The following CADM2 variants were observed in gnomAD, a reference collection of about 807,000 sequenced individuals.
CADM2 encodes immunoglobulin superfamily member 4D.
In CADM2, 12 loss-of-function variants were observed where a neutral mutation model predicts 49.8. That is an observed-to-expected ratio of 0.24 (90% CI 0.15 to 0.39). The LOEUF is 0.39. Among genes scored for constraint, CADM2 ranks in the 10% least tolerant of loss-of-function variants. The probability of loss-of-function intolerance (pLI) is 1.00; values close to 1 mark genes in which losing one functional copy is unlikely to be tolerated. For missense variants in CADM2, 378 were observed against 492.3 expected (o/e 0.77, Z 2.20); for synonymous variants, 214 against 175.4 (o/e 1.22, Z -1.74).
chr3:85,320,547 C>T (rs1271903091), intron 1 of CADM2, among the ~76,000 whole-genome samples: 1 of 152,158 alleles, frequency 6.6e-6, no homozygotes, highest in East Asian at 1.9e-4. Context: ...CGGAGACAAT[C>T]TTGACAAGGT....
chr3:85,979,803 C>G (rs1727249227), intron 8 of CADM2, among the ~76,000 whole-genome samples: 1 of 151,276 alleles, frequency 6.6e-6, no homozygotes, highest in Non-Finnish European at 1.5e-5. Context: ...TACATGTATC[C>G]CAAAGTGATT....
chr3:85,852,829 G>A (rs1408225818), intron 3 of CADM2, among the ~76,000 whole-genome samples: 1 of 151,890 alleles, frequency 6.6e-6, no homozygotes, highest in Non-Finnish European at 1.5e-5. Flanking sequence ...TACTCTTTCT[G>A]GGAAGTTCAC....
chr3:85,445,563 G>C (rs1049165951), intron 1 of CADM2, among the ~76,000 whole-genome samples: 1 of 151,972 alleles, frequency 6.6e-6, no homozygotes, highest in Non-Finnish European at 1.5e-5. Flanking sequence ...ATGGTTTCTT[G>C]CCTTCAGGAA....
At chr3:85,241,029 A>G (rs576815998) in intron 1 of CADM2, among the ~76,000 whole-genome samples, 4 of 151,510 alleles carry the variant, frequency 2.6e-5, no homozygotes, top group Non-Finnish European at 4.4e-5. Context: ...TAGATGACAT[A>G]GCATGACTTT....
chr3:85,862,065 C>T (rs999881028), intron 3 of CADM2, among the ~76,000 whole-genome samples: 1 of 151,820 alleles, frequency 6.6e-6, no homozygotes, highest in Admixed American at 6.6e-5. Flanking sequence ...GTAAGTTATT[C>T]TTGCTTCTCA....
intron 1 of CADM2, among the ~76,000 whole-genome samples, chr3:85,070,228 C>A (rs925084923): frequency 6.6e-6 from 1 of 151,892 alleles, no homozygotes; most frequent in Non-Finnish European, 1.5e-5. Flanking sequence ...CAAAATGTGG[C>A]GATTATGTGG....
At chr3:85,290,650 A>T (rs2043764333) in intron 1 of CADM2, among the ~76,000 whole-genome samples, 1 of 152,178 alleles carries the variant, frequency 6.6e-6, no homozygotes, top group Non-Finnish European at 1.5e-5. Flanking sequence ...TGAGCTGCCT[A>T]ACTGGGAGGC....
intron 2 of CADM2, among the ~76,000 whole-genome samples, chr3:85,766,602 T>A (rs954584534): frequency 6.6e-6 from 1 of 152,226 alleles, no homozygotes; most frequent in African/African-American, 2.4e-5. Context: ...TTTGTGATGC[T>A]GGAATTTTGC....
At chr3:85,949,324 T>C (rs761316413) in intron 7 of CADM2, among the ~76,000 whole-genome samples, 7 of 151,470 alleles carry the variant, frequency 4.6e-5, no homozygotes, top group Non-Finnish European at 1.0e-4. Flanking sequence ...ATAGTATGTA[T>C]GCTTGTCAAA....
intron 1 of CADM2, among the ~76,000 whole-genome samples, chr3:85,070,004 A>G (rs145471861): frequency 4.6e-5 from 7 of 152,244 alleles, no homozygotes; most frequent in African/African-American, 1.7e-4. Context: ...CAGTATTCTA[A>G]TGCAATCACA....
At chr3:85,321,382 G>A (rs535868119) in intron 1 of CADM2, among the ~76,000 whole-genome samples, 7 of 150,708 alleles carry the variant, frequency 4.6e-5, no homozygotes, top group African/African-American at 7.3e-5. Flanking sequence ...ATAGGGTTTC[G>A]TCATGTTGGC....
intron 1 of CADM2, among the ~76,000 whole-genome samples, chr3:85,019,811 G>T (rs572114804): frequency 1.3e-5 from 2 of 152,070 alleles, no homozygotes; most frequent in Admixed American, 6.6e-5. Context: ...GTGTTGTGAA[G>T]CAGGGAAAAT....
intron 2 of CADM2, among the ~76,000 whole-genome samples, chr3:85,784,164 C>A (rs2070827947): frequency 6.6e-6 from 1 of 152,180 alleles, no homozygotes; most frequent in East Asian, 1.9e-4. Flanking sequence ...ATAACCAGAA[C>A]ACTTGGAATT....
Position 85,263,493 on chromosome 3 carries a change from A to G in CADM2, c.61+303825A>G, listed in dbSNP as rs574418532. Among the ~76,000 whole-genome samples, 14 of 152,230 alleles carry G rather than the reference A, an allele frequency of 9.2e-5. No individual in the cohort carries two copies. In the South Asian group the frequency reaches 2.7e-3, roughly 29 times the overall value. On this transcript the variant is annotated intron_variant, in intron 1 of 9. Transcript: ENST00000383699. ...GTTATATTGTTTAACTGGTAACCAT[A>G]ATCTTTATTTTAGAGTTGAGAAAAG...
chr3:85,720,195 C>T (rs1407166766), intron 1 of CADM2, among the ~76,000 whole-genome samples: 1 of 152,078 alleles, frequency 6.6e-6, no homozygotes, highest in Non-Finnish European at 1.5e-5. Context: ...TACTCATGGC[C>T]TCATTTGACT....
chr3:85,731,648 A>G (rs2067934215), intron 2 of CADM2, among the ~76,000 whole-genome samples: 1 of 152,162 alleles, frequency 6.6e-6, no homozygotes, highest in Admixed American at 6.5e-5. Context: ...TCATATGTTT[A>G]TATTCATTAT....
chr3:85,314,386 A>AT (rs2044418058), intron 1 of CADM2, among the ~76,000 whole-genome samples: 2 of 151,956 alleles, frequency 1.3e-5, no homozygotes, highest in Admixed American at 6.6e-5. Flanking sequence ...CAAAATAATA[A>AT]TTTTTTATAT....
intron 8 of CADM2, among the ~76,000 whole-genome samples, chr3:85,977,305 T>C (rs1726913778): frequency 6.6e-6 from 1 of 151,430 alleles, no homozygotes. Context: ...GAACTGATTA[T>C]GTGATAGGAA....
intron 2 of CADM2, among the ~76,000 whole-genome samples, chr3:85,796,753 A>G (rs1018673976): frequency 2.0e-5 from 3 of 152,102 alleles, no homozygotes; most frequent in Admixed American, 1.3e-4. Context: ...AGCGCTTATC[A>G]AGCATTTTAT....
Sources: allele counts gnomAD v4.1 joint callset (sites outside exome capture counted in the v4.1 genomes callset), GRCh38; gene constraint gnomAD v4.1.1; transcripts MANE v1.5; gene names NCBI Gene and HGNC (gene_info 2026-07-23, HGNC 2026-07-21).